The following RELCH variants were observed in gnomAD, a reference collection of about 807,000 sequenced individuals.
RELCH encodes RAB11 binding and LisH domain, coiled-coil and HEAT repeat containing.
In RELCH, 41 loss-of-function variants were observed where a neutral mutation model predicts 150.3. The observed-to-expected ratio is 0.27, with a 90% CI of 0.21 to 0.35. The LOEUF is 0.35. Ranked by LOEUF, RELCH falls within the 10% of genes least tolerant of loss-of-function variation. RELCH has a pLI of 1.00. For synonymous variants in RELCH, 478 were observed against 531.8 expected, an observed-to-expected ratio of 0.90 and a Z score of 1.39; for missense variants, 1,092 against 1,467.8, an observed-to-expected ratio of 0.74 and a Z score of 4.18.
intron 12 of RELCH, 95 bp from the exon 13 acceptor site, chr18:62,255,312 C>G: frequency 2.3e-6 from 2 of 854,972 alleles, no homozygotes; most frequent in Non-Finnish European, 3.9e-6. Context: ...AGCTTTATTG[C>G]ATTCTTAACA....
chr18:62,287,610 C>T, intron 26 of RELCH, 143 bp downstream of exon 26: 1 of 631,578 alleles, frequency 1.6e-6, no homozygotes, highest in Non-Finnish European at 2.8e-6. Context: ...ATTTGTCTCA[C>T]TCCACTCCTT....
rs569561646 is a variant in RELCH, at chr18:62,291,435, C to T, written c.3371-108C>T. On this transcript the variant is annotated intron_variant, in intron 26 of 28. Transcript: ENST00000644646. ...CTGTTTACCCTGAGTGATCACTATG[C>T]CATAGGTATGATATAAGAAGGCTTC... The T allele has an allele frequency of 1.6e-5, 9 of 571,858 alleles. No individual in the cohort carries two copies. In the South Asian group the frequency reaches 2.2e-4, roughly 14 times the overall value. The allele number at this position is 571,858 out of a possible 1,614,324, so 35.4% of individuals were successfully genotyped here. A position where few individuals can be genotyped will look rare whatever the true frequency, so the allele number is the denominator to read the frequency against.
intron 1 of RELCH, among the ~76,000 whole-genome samples, chr18:62,195,189 G>A (rs1178376044): frequency 1.3e-5 from 2 of 151,862 alleles, no homozygotes; most frequent in East Asian, 1.9e-4. Flanking sequence ...ATAAATTCTT[G>A]TAGCATCGTT....
chr18:62,217,406 T>C lies in RELCH; in HGVS notation c.617-3631T>C, dbSNP rs531756667. Among the ~76,000 whole-genome samples, 4 of 151,768 alleles carry C rather than the reference T, an allele frequency of 2.6e-5. No individual in the cohort carries two copies. In the East Asian group the frequency reaches 7.8e-4, roughly 29 times the overall value. On this transcript the variant is annotated intron_variant, in intron 2 of 28. Transcript: ENST00000644646. ...GAGACAGTGTAGATGAATGGTTATT[T>C]CAGGAGTTATTAAAGGTTGGAATCA... is the stretch of plus-strand genomic sequence containing the variant.
At chr18:62,273,882 C>A in intron 20 of RELCH, 98 bp from the exon 21 acceptor site, 1 of 731,688 alleles carries the variant, frequency 1.4e-6, no homozygotes, top group South Asian at 1.8e-5. Flanking sequence ...GATATTTTCC[C>A]CTTATTTGGT....
Position 62,205,363 on chromosome 18 carries a change from C to G in RELCH, c.527-5790C>G, listed in dbSNP as rs1290603786. On this transcript the variant is annotated intron_variant, in intron 1 of 28. Coordinates refer to ENST00000644646, the MANE Select transcript of RELCH (RefSeq NM_001346231.2). ...CACCCTGGAAAGTTCCCTCAAGGCC[C>G]TTTCCAGTCAGTTCCTACCCCTTCT... Among the ~76,000 whole-genome samples, 5 of 152,150 alleles carry G rather than the reference C, an allele frequency of 3.3e-5. 1 individual carries two copies.
At position 62,228,347 on chromosome 18, in the gene RELCH, A is replaced by G. The variant is rs552082774; in HGVS notation, c.1197A>G (p.Ala399=). 1,141 of 1,613,018 alleles carry G rather than the reference A, an allele frequency of 7.1e-4. 16 individuals carry two copies. The South Asian group carries it at 0.012, about 17-fold the overall frequency. The change falls in exon 8 of 29, where the codon GCA becomes GCG. Residue 399 remains alanine (A), a synonymous_variant. Coordinates refer to ENST00000644646, the MANE Select transcript of RELCH (RefSeq NM_001346231.2). ...AAAATGAACACTTTGCCATCCCAGC[A>G]GTTTGTGACTCTGTTCAGCCTCCTT... is the stretch of plus-strand genomic sequence containing the variant. The part of the protein sequence containing the change: ...FLKNEHFAIP[A]VCDSVQPPLD...
chr18:62,258,178 G>GAA, intron 14 of RELCH, 90 bp downstream of exon 14: 1 of 1,192,022 alleles, frequency 8.4e-7, no homozygotes. Context: ...ACTTTATAAT[G>GAA]TATCATAAGG....
chr18:62,227,312 A>G lies in RELCH; in HGVS notation c.882A>G (p.Val294=), dbSNP rs1188148183. ...AGGATTTTGAATTATGGGATGATGT[A>G]GGATTAAACATTCCAAAACCTCCAG... The part of the protein sequence containing the change: ...DDQDFELWDD[V]GLNIPKPPDL... Residue 294 remains valine, a synonymous_variant, in exon 6 of 29, where the codon GTA becomes GTG. Coordinates refer to ENST00000644646, the MANE Select transcript of RELCH (RefSeq NM_001346231.2). 6.2e-7 allele frequency: 1 copy of G among 1,604,042 alleles called. No homozygotes were observed.
Position 62,274,030 on chromosome 18 carries a change from G to C in RELCH, c.2811G>C (p.Leu937=). The C allele has an allele frequency of 6.2e-7, 1 of 1,613,140 alleles. No individual in the cohort carries two copies. The highest frequency in any genetic ancestry group is 8.5e-7 in the Non-Finnish European group (1 of 1,179,404). ...GATTCTTAGAAGATGTAATGACGCTGCTTTCATTATCTCATGCTCCTCTTG... is the reference window on the plus strand; with the variant it reads ...GATTCTTAGAAGATGTAATGACGCTCCTTTCATTATCTCATGCTCCTCTTG... The part of the protein sequence containing the change: ...LVGFLEDVMT[L]LSLSHAPLDS... The change falls in exon 21 of 29, where the codon CTG becomes CTC. Residue 937 remains leucine, a synonymous_variant. Transcript: ENST00000644646.
chr18:62,250,682 T>C (rs981074751), intron 11 of RELCH, among the ~76,000 whole-genome samples: 1 of 152,222 alleles, frequency 6.6e-6, no homozygotes, highest in Non-Finnish European at 1.5e-5. Context: ...ACACATTGGC[T>C]CACCGTTTCC....
In RELCH at chr18:62,308,125, T is replaced by A. The variant is rs2045927685; in HGVS notation, c.*2591T>A. On this transcript the variant is annotated 3_prime_UTR_variant, in exon 29 of 29. Coordinates refer to ENST00000644646, the MANE Select transcript of RELCH (RefSeq NM_001346231.2). ...GGTCTCAAGTCAAGGTGCTATCACA[T>A]TCTTGTTTTTAAAAAGTTGGCTCAA... 2 of 152,228 alleles carry A rather than the reference T, an allele frequency of 1.3e-5. No individual in the cohort carries two copies. The highest frequency in any genetic ancestry group is 1.3e-4 in the Admixed American group (2 of 15,280). The allele number at this position is 152,228 out of a possible 1,614,324, so 9.4% of individuals were successfully genotyped here. A position where few individuals can be genotyped will look rare whatever the true frequency, so the allele number is the denominator to read the frequency against.
chr18:62,249,100 A>T (rs2042570115), intron 11 of RELCH, among the ~76,000 whole-genome samples: 1 of 152,180 alleles, frequency 6.6e-6, no homozygotes, highest in African/African-American at 2.4e-5. Context: ...TACTTTGCAA[A>T]ATAATAGAAT....
At chr18:62,228,063 GT>G (rs1177088532) in intron 7 of RELCH, among the ~76,000 whole-genome samples, 2 of 152,004 alleles carry the variant, frequency 1.3e-5, no homozygotes, top group Non-Finnish European at 2.9e-5. Flanking sequence ...AGAAATTTAA[GT>G]GCCAATCAAA....
chr18:62,284,161 CAT>C (rs1227359989), intron 25 of RELCH: 10 of 152,150 alleles, frequency 6.6e-5, no homozygotes, highest in Non-Finnish European at 5.9e-5. Flanking sequence ...TCAAATTAAA[CAT>C]AGTGTCAATA....
At position 62,274,057 on chromosome 18, in the gene RELCH, T is replaced by C; in HGVS notation, c.2838T>C (p.Asp946=). Residue 946 remains aspartate, a synonymous_variant, in exon 21 of 29, where the codon GAT becomes GAC. Coordinates refer to ENST00000644646, the MANE Select transcript of RELCH (RefSeq NM_001346231.2). The part of the protein sequence containing the change: ...TLLSLSHAPL[D]SLKASFVELG... ...TTTCATTATCTCATGCTCCTCTTGATAGCCTGAAGGCTTCTTTTGTGGAAT... is the reference window on the plus strand; with the variant it reads ...TTTCATTATCTCATGCTCCTCTTGACAGCCTGAAGGCTTCTTTTGTGGAAT... 6.2e-7 allele frequency: 1 copy of C among 1,612,206 alleles called. No individual in the cohort carries two copies. The highest frequency in any genetic ancestry group is 8.5e-7 in the Non-Finnish European group (1 of 1,178,508).
chr18:62,216,095 T>C (rs1255564626), intron 2 of RELCH, among the ~76,000 whole-genome samples: 1 of 152,144 alleles, frequency 6.6e-6, no homozygotes, highest in Admixed American at 6.6e-5. Context: ...ATATACAATG[T>C]ACCTCTTCAA....
At chr18:62,258,732 CCATCTTGGAA>C in intron 15 of RELCH, 56 bp downstream of exon 15, 1 of 1,241,372 alleles carries the variant, frequency 8.1e-7, no homozygotes, top group African/African-American at 1.6e-5. Flanking sequence ...CTGTCCTAAG[CCATCTTGGAA>C]CAATGTTAGA....
At chr18:62,251,475 C>T (rs1247630247) in intron 11 of RELCH, among the ~76,000 whole-genome samples, 1 of 152,126 alleles carries the variant, frequency 6.6e-6, no homozygotes, top group Admixed American at 6.6e-5. Context: ...CTAAGCATGC[C>T]TGCTGAGAAG....
Sources: allele counts gnomAD v4.1 joint callset (sites outside exome capture counted in the v4.1 genomes callset), GRCh38; gene constraint gnomAD v4.1.1; transcripts MANE v1.5; gene names NCBI Gene and HGNC (gene_info 2026-07-23, HGNC 2026-07-21).